Variants in TIAM2 observed in about 807,000 individuals in gnomAD.
The protein encoded by TIAM2 is rho guanine nucleotide exchange factor TIAM2.
TIAM2 carries 80 observed loss-of-function variants against 152.9 expected under a neutral mutation model. The ratio of observed to expected loss-of-function variants is 0.52; its 90% CI spans 0.44 to 0.63. The LOEUF is 0.63. TIAM2 is among the 30% of genes least tolerant of loss of function. The pLI is 0.00. For synonymous variants in TIAM2, 804 were observed against 838.0 expected (o/e 0.96, Z 0.70); for missense variants, 1,965 against 2,120.1 (o/e 0.93, Z 1.44).
intron 1 of TIAM2, among the ~76,000 whole-genome samples, chr6:155,019,924 G>A (rs1253523952): frequency 6.6e-6 from 1 of 152,112 alleles, no homozygotes; most frequent in African/African-American, 2.4e-5. Context: ...GTGGTGCTGG[G>A]CGCCTGTAGT....
At chr6:155,059,297 T>A (rs1777517924) in intron 1 of TIAM2, among the ~76,000 whole-genome samples, 1 of 47,704 alleles carries the variant, frequency 2.1e-5, no homozygotes, top group Non-Finnish European at 4.7e-5. Context: ...TGTGTGTCTG[T>A]GTGTGTGTGT....
intron 15 of TIAM2, among the ~76,000 whole-genome samples, chr6:155,235,552 A>G (rs1330538925): frequency 6.6e-6 from 1 of 152,252 alleles, no homozygotes; most frequent in African/African-American, 2.4e-5. Context: ...ACTGAAATGT[A>G]ATCACCCAAG....
chr6:155,028,830 T>TA, intron 1 of TIAM2, among the ~76,000 whole-genome samples: 1 of 128,130 alleles, frequency 7.8e-6, no homozygotes, highest in Non-Finnish European at 1.5e-5. Flanking sequence ...TATACTGTGT[T>TA]ATATATATAC....
intron 6 of TIAM2, among the ~76,000 whole-genome samples, chr6:155,145,743 C>T (rs781478895): frequency 6.6e-6 from 1 of 152,086 alleles, no homozygotes; most frequent in South Asian, 2.1e-4. Context: ...AGAAGCCCTG[C>T]AGAGCAACAG....
intron 15 of TIAM2, among the ~76,000 whole-genome samples, chr6:155,220,239 G>T (rs1444620558): frequency 6.6e-6 from 1 of 152,356 alleles, no homozygotes; most frequent in Non-Finnish European, 1.5e-5. Context: ...TGCCAGGCAG[G>T]CTTTTAAAAC....
At chr6:155,175,149 G>A (rs1187000064) in intron 9 of TIAM2, among the ~76,000 whole-genome samples, 3 of 152,186 alleles carry the variant, frequency 2.0e-5, no homozygotes, top group East Asian at 1.9e-4. Context: ...GCATTGGCAC[G>A]TGTGGGGATG....
intron 1 of TIAM2, among the ~76,000 whole-genome samples, chr6:155,089,826 CAGTG>C (rs762994098): frequency 6.6e-6 from 1 of 152,134 alleles, no homozygotes; most frequent in Non-Finnish European, 1.5e-5. Flanking sequence ...GAATGGAGCT[CAGTG>C]AGAGCGAGAT....
At chr6:155,182,115 C>T (rs1780915778) in intron 12 of TIAM2, 111 bp from the exon 13 acceptor site, 2 of 845,992 alleles carry the variant, frequency 2.4e-6, no homozygotes, top group Non-Finnish European at 3.8e-6. Flanking sequence ...TCGACTTTCT[C>T]AACATACTGT....
At chr6:155,135,623 A>G (rs1250023768) in intron 4 of TIAM2, among the ~76,000 whole-genome samples, 1 of 152,212 alleles carries the variant, frequency 6.6e-6, no homozygotes, top group African/African-American at 2.4e-5. Context: ...TAATCCAGAT[A>G]TTAGAGAAAT....
intron 19 of TIAM2, among the ~76,000 whole-genome samples, chr6:155,246,669 A>G (rs1297419111): frequency 6.6e-6 from 1 of 152,078 alleles, no homozygotes; most frequent in Non-Finnish European, 1.5e-5. Flanking sequence ...TCTGTAGTAC[A>G]GTGAAAGCAT....
intron 14 of TIAM2, among the ~76,000 whole-genome samples, chr6:155,184,331 T>C (rs1366359253): frequency 6.6e-6 from 1 of 152,212 alleles, no homozygotes; most frequent in Non-Finnish European, 1.5e-5. Context: ...ATTTTAAAAC[T>C]TTGTGAAGGC....
At chr6:155,236,558 G>A (rs1782768358) in intron 15 of TIAM2, among the ~76,000 whole-genome samples, 1 of 152,150 alleles carries the variant, frequency 6.6e-6, no homozygotes, top group Admixed American at 6.5e-5. Context: ...AGCTACTTGG[G>A]AGGCTGAGGC....
intron 1 of TIAM2, among the ~76,000 whole-genome samples, chr6:155,059,280 T>TGCTGTGTGTG (rs1562303718): frequency 8.4e-6 from 1 of 119,650 alleles, no homozygotes; most frequent in Non-Finnish European, 1.8e-5. Context: ...GAATGTCCCT[T>TGCTGTGTGTG]TCTGTGTGTG....
At chr6:154,996,472 G>T (rs1778213697) in intron 1 of TIAM2, among the ~76,000 whole-genome samples, 1 of 152,056 alleles carries the variant, frequency 6.6e-6, no homozygotes, top group African/African-American at 2.4e-5. Flanking sequence ...GAAGGGCCTG[G>T]GATTCTCTTC....
chr6:155,103,192 A>T (rs1292105252), intron 2 of TIAM2, among the ~76,000 whole-genome samples: 1 of 152,236 alleles, frequency 6.6e-6, no homozygotes, highest in East Asian at 1.9e-4. Flanking sequence ...GTAGTTGGGC[A>T]GTCTAAAGAA....
intron 1 of TIAM2, among the ~76,000 whole-genome samples, chr6:155,005,801 CA>C (rs1464294409): frequency 6.6e-6 from 1 of 151,966 alleles, no homozygotes; most frequent in Non-Finnish European, 1.5e-5. Context: ...AGGCGCCTGC[CA>C]CCACGCCCAG....
chr6:155,102,873 A>G (rs1283648000), intron 2 of TIAM2, among the ~76,000 whole-genome samples: 2 of 152,076 alleles, frequency 1.3e-5, no homozygotes, highest in Non-Finnish European at 2.9e-5. Context: ...AAAAATCAAA[A>G]GAATTGTATA....
rs568601685 is a variant in TIAM2, at chr6:155,104,855, G to A, written c.-118+14476G>A. ...CCTATATGGGTAGATGGATGTATGT[G>A]TATGTAAAATACAGTTTTCATCCAG... On this transcript the variant is annotated intron_variant, in intron 2 of 26. Coordinates refer to ENST00000682666, the MANE Select transcript of TIAM2 (RefSeq NM_012454.4). 6.0e-3 allele frequency among the ~76,000 whole-genome samples: 914 copies of A among 152,240 alleles called. 3 individuals carry two copies. The highest frequency in any genetic ancestry group is 6.9e-3 in the Non-Finnish European group (469 of 68,018).
chr6:155,037,584 A>T (rs1368779908), intron 1 of TIAM2, among the ~76,000 whole-genome samples: 8 of 152,198 alleles, frequency 5.3e-5, no homozygotes, highest in African/African-American at 1.9e-4. Context: ...GCTGGAGTGC[A>T]GTGGCGCAAT....
Sources: gnomAD v4.1 joint callset for allele counts (sites outside exome capture counted in the v4.1 genomes callset) on GRCh38, gnomAD v4.1.1 for gene constraint, MANE v1.5 for transcripts, NCBI Gene and HGNC (gene_info 2026-07-23, HGNC 2026-07-21) for gene names.